PLPPR5: variants seen among roughly 807,000 people sequenced by gnomAD.
The protein encoded by PLPPR5 is phospholipid phosphatase related 5.
A neutral mutation model predicts 33.9 loss-of-function variants in PLPPR5; 16 were observed. The observed-to-expected ratio is 0.47, with a 90% CI of 0.32 to 0.72. The LOEUF (loss-of-function observed/expected upper bound fraction) is 0.72, where lower values mean the gene tolerates loss of function less well. Among genes scored for constraint, PLPPR5 ranks in the 30% least tolerant of loss-of-function variants. PLPPR5 has a pLI of 0.03. For missense variants in PLPPR5, 301 were observed against 406.7 expected (o/e 0.74, Z 2.23); for synonymous variants, 163 against 150.3 (o/e 1.08, Z -0.62).
chr1:98,958,685 T>C (rs1240934703), intron 1 of PLPPR5, among the ~76,000 whole-genome samples: 3 of 152,222 alleles, frequency 2.0e-5, no homozygotes, highest in African/African-American at 7.2e-5. Context: ...TGATACCTTA[T>C]CTCTCTTTCT....
chr1:98,892,768 A>C lies in PLPPR5; in HGVS notation c.*304T>G. ...TTAACATAATTGCAATGATTCTGTG[A>C]GAAACTAAAGTGAATGTTTTATTTA... is the stretch of plus-strand genomic sequence containing the variant. On this transcript the variant is annotated 3_prime_UTR_variant, in exon 6 of 6. Transcript: ENST00000263177. 1 of 281,564 alleles carries C rather than the reference A, an allele frequency of 3.6e-6. No homozygotes were observed. Among genetic ancestry groups the C allele is most frequent in the South Asian group, 7.2e-5 (1 of 13,970 alleles). The allele number at this position is 281,564 out of a possible 1,614,324, so 17.4% of individuals were successfully genotyped here. A position where few individuals can be genotyped will look rare whatever the true frequency, so the allele number is the denominator to read the frequency against.
chr1:98,963,247 T>C (rs1651311752), intron 1 of PLPPR5, among the ~76,000 whole-genome samples: 1 of 152,216 alleles, frequency 6.6e-6, no homozygotes, highest in Admixed American at 6.5e-5. Context: ...ATTGCAACTT[T>C]ATTCTATTCC....
intron 5 of PLPPR5, among the ~76,000 whole-genome samples, chr1:98,894,951 T>C (rs1474600732): frequency 1.3e-5 from 2 of 151,968 alleles, no homozygotes; most frequent in Admixed American, 6.6e-5. Context: ...GTAATAACTG[T>C]AGGGTGACCA....
At position 98,978,768 on chromosome 1, in the gene PLPPR5, T is replaced by C. The variant is rs528364470; in HGVS notation, c.238-22027A>G. Among the ~76,000 whole-genome samples the C allele has an allele frequency of 1.3e-4, 20 of 152,166 alleles. No homozygotes were observed. In the South Asian group the frequency reaches 3.9e-3, roughly 30 times the overall value. ...AGATGTTCAAAAGCATTAGCTTCTATACAATGAACACATATCATAAGGAAA... is the reference window on the plus strand; with the variant it reads ...AGATGTTCAAAAGCATTAGCTTCTACACAATGAACACATATCATAAGGAAA... On this transcript the variant is annotated intron_variant, in intron 1 of 5. Transcript: ENST00000263177.
chr1:98,982,745 CA>C (rs1328948082), intron 1 of PLPPR5, among the ~76,000 whole-genome samples: 1 of 152,052 alleles, frequency 6.6e-6, no homozygotes, highest in Non-Finnish European at 1.5e-5. Flanking sequence ...TCACTGCTGA[CA>C]ACTCCAGAGA....
chr1:98,928,547 T>TAATATATATATATATATATATATATA (rs1649845626), intron 3 of PLPPR5, among the ~76,000 whole-genome samples: 1 of 47,516 alleles, frequency 2.1e-5, no homozygotes, highest in Non-Finnish European at 4.5e-5. Flanking sequence ...AAGTTTTAAA[T>TAATATATATATATATATATATATATA]CATATATATA....
At chr1:98,940,395 C>T (rs1650328549) in intron 3 of PLPPR5, among the ~76,000 whole-genome samples, 1 of 151,858 alleles carries the variant, frequency 6.6e-6, no homozygotes, top group Non-Finnish European at 1.5e-5. Context: ...AATCAGTTCC[C>T]AAAGGCTTCA....
chr1:98,996,582 G>A (rs894226711), intron 1 of PLPPR5, among the ~76,000 whole-genome samples: 2 of 152,010 alleles, frequency 1.3e-5, no homozygotes, highest in African/African-American at 4.8e-5. Context: ...TCATAATAAT[G>A]ATACTCCTTA....
chr1:98,942,076 A>AAGAG (rs138044131), intron 3 of PLPPR5, among the ~76,000 whole-genome samples: 77,599 of 148,092 alleles, frequency 0.52, 20,490 homozygotes, highest in African/African-American at 0.56. Flanking sequence ...GAGAGGAAGA[A>AAGAG]AGAGAGAGAG....
At chr1:98,944,833 G>T (rs1650497425) in intron 3 of PLPPR5, among the ~76,000 whole-genome samples, 1 of 152,136 alleles carries the variant, frequency 6.6e-6, no homozygotes, top group Non-Finnish European at 1.5e-5. Flanking sequence ...AAAACATAGA[G>T]TCTGGAGCTT....
intron 1 of PLPPR5, among the ~76,000 whole-genome samples, chr1:98,998,106 G>A (rs1490582754): frequency 2.0e-5 from 3 of 152,046 alleles, no homozygotes. Context: ...AAAGAGGAAT[G>A]AAGAGAGAAA....
chr1:98,994,761 A>G (rs1202975018), intron 1 of PLPPR5, among the ~76,000 whole-genome samples: 3 of 152,150 alleles, frequency 2.0e-5, no homozygotes, highest in Non-Finnish European at 4.4e-5. Context: ...CAATGATTTA[A>G]TTAGCATTGT....
intron 3 of PLPPR5, among the ~76,000 whole-genome samples, chr1:98,925,080 G>T (rs1015913228): frequency 5.3e-5 from 8 of 152,178 alleles, no homozygotes; most frequent in African/African-American, 1.7e-4. Context: ...TTTTTAGCCA[G>T]TCTAATTGTG....
intron 1 of PLPPR5, among the ~76,000 whole-genome samples, chr1:98,999,014 T>C (rs1652732003): frequency 6.6e-6 from 1 of 152,164 alleles, no homozygotes. Flanking sequence ...TCACCAAAGA[T>C]AGGAATCATT....
At position 98,956,764 on chromosome 1, in the gene PLPPR5, A is replaced by G. The variant is rs1651025227; in HGVS notation, c.238-23T>C. On this transcript the variant is annotated intron_variant, in intron 1 of 5. Transcript: ENST00000263177. ...TATCTTGAAAGAAAATAAAAGATTA[A>G]GGAATATTAGAATTTAACCAGTATA... is the stretch of plus-strand genomic sequence containing the variant. 2.0e-6 allele frequency: 3 copies of G among 1,514,152 alleles called. No homozygotes were observed. In the South Asian group the frequency reaches 3.9e-5, roughly 20 times the overall value. The allele number at this position is 1,514,152 out of a possible 1,614,324, so 93.8% of individuals were successfully genotyped here. A position where few individuals can be genotyped will look rare whatever the true frequency, so the allele number is the denominator to read the frequency against.
Position 98,894,814 on chromosome 1 carries a change from C to T in PLPPR5, c.934-1710G>A, listed in dbSNP as rs566143801. 2.0e-5 allele frequency among the ~76,000 whole-genome samples: 3 copies of T among 152,190 alleles called. No homozygotes were observed. In the East Asian group the frequency reaches 5.8e-4, roughly 29 times the overall value. ...AACCTGGAAGGGAGAATTAAATACACATTAAAGGACTTTAATAAACAGAGA... is the reference window on the plus strand; with the variant it reads ...AACCTGGAAGGGAGAATTAAATACATATTAAAGGACTTTAATAAACAGAGA... On this transcript the variant is annotated intron_variant, in intron 5 of 5. Coordinates refer to ENST00000263177, the MANE Select transcript of PLPPR5 (RefSeq NM_001037317.2).
At chr1:98,988,810 A>G (rs1652350011) in intron 1 of PLPPR5, among the ~76,000 whole-genome samples, 1 of 152,102 alleles carries the variant, frequency 6.6e-6, no homozygotes, top group African/African-American at 2.4e-5. Flanking sequence ...CCTTGGCAGG[A>G]TCATGCTATA....
chr1:98,972,178 T>C (rs1651685362), intron 1 of PLPPR5, among the ~76,000 whole-genome samples: 1 of 152,092 alleles, frequency 6.6e-6, no homozygotes, highest in African/African-American at 2.4e-5. Flanking sequence ...ATAAGACATT[T>C]CAAAATCACA....
chr1:98,943,041 A>G (rs1190355663), intron 3 of PLPPR5, among the ~76,000 whole-genome samples: 1 of 152,252 alleles, frequency 6.6e-6, no homozygotes, highest in Non-Finnish European at 1.5e-5. Context: ...ACAAAGCCAG[A>G]GTGACAGCCA....
Sources: allele counts gnomAD v4.1 joint callset (sites outside exome capture counted in the v4.1 genomes callset), GRCh38; gene constraint gnomAD v4.1.1; transcripts MANE v1.5; gene names NCBI Gene and HGNC (gene_info 2026-07-23, HGNC 2026-07-21).